RGS2: variants seen among roughly 807,000 people sequenced by gnomAD.
RGS2 encodes the protein G0 to G1 switch regulatory 8, 24kD.
A neutral mutation model predicts 26.6 loss-of-function variants in RGS2; 20 were observed. The observed-to-expected ratio is 0.75, with a 90% CI of 0.53 to 1.09. The LOEUF (loss-of-function observed/expected upper bound fraction) is 1.09, where lower values mean the gene tolerates loss of function less well. Among genes scored for constraint, RGS2 ranks in the 50% least tolerant of loss-of-function variants. RGS2 has a pLI of 0.00. For missense variants in RGS2, 246 were observed against 245.5 expected (o/e 1.00, Z -0.01); for synonymous variants, 97 against 79.9 (o/e 1.21, Z -1.14).
intron 1 of RGS2, 26 bp downstream of exon 1, chr1:192,809,207 C>T (rs1415665825): frequency 6.7e-7 from 1 of 1,488,902 alleles, no homozygotes; most frequent in East Asian, 2.3e-5. Flanking sequence ...TTCCCTCTCC[C>T]GCCACCCCCT....
At chr1:192,810,937 T>G (rs762553991) in intron 3 of RGS2, 44 bp from the exon 4 acceptor site, 1 of 1,563,392 alleles carries the variant, frequency 6.4e-7, no homozygotes, top group Non-Finnish European at 8.8e-7. Context: ...ATTTGGTCTC[T>G]CAGTTCTTCA....
rs1336448952 is a variant in RGS2 at position 192,811,093 on chromosome 1, C to T, written c.387C>T (p.Ser129=). The change falls in exon 4 of 5, where the codon TCC becomes TCT. Residue 129 remains serine (S), a synonymous_variant. Coordinates refer to ENST00000235382, the MANE Select transcript of RGS2 (RefSeq NM_002923.4). The part of the protein sequence containing the change: ...FKKTKSPQKL[S]SKARKIYTDF... The stretch of plus-strand genomic sequence containing the variant: ...AAACCAAATCACCCCAAAAGCTGTC[C>T]TCAAAAGCAAGGAAAATATATACTG... The T allele has an allele frequency of 1.2e-6, 2 of 1,613,966 alleles. No homozygotes were observed. The highest frequency in any genetic ancestry group is 1.7e-6 in the Non-Finnish European group (2 of 1,180,024).
chr1:192,810,466 A>G (rs751831501), intron 3 of RGS2, 35 bp downstream of exon 3: 3 of 1,602,792 alleles, frequency 1.9e-6, no homozygotes, highest in East Asian at 2.2e-5. Flanking sequence ...CATTGCTAAC[A>G]TCGCAAAAGC....
rs1665550278 is a variant in RGS2, at chr1:192,809,413, A to G, written c.110+232A>G. On this transcript the variant is annotated intron_variant, in intron 1 of 4. Transcript: ENST00000235382. Reference sequence around the variant, plus strand: ...AGGGCGGTGGTTGATGCGCTAAGAAATTGCGGGTTGGCTTTTTGTCCTCCT... The same window carrying G: ...AGGGCGGTGGTTGATGCGCTAAGAAGTTGCGGGTTGGCTTTTTGTCCTCCT... 8 of 538,420 alleles carry G rather than the reference A, an allele frequency of 1.5e-5. No individual in the cohort carries two copies. The East Asian group carries it at 2.7e-4, about 18-fold the overall frequency. 33.4% of individuals were successfully genotyped at this position (538,420 alleles called of 1,614,324 possible).
Sources: allele counts gnomAD v4.1 joint callset, GRCh38; gene constraint gnomAD v4.1.1; transcripts MANE v1.5; gene names NCBI Gene and HGNC (gene_info 2026-07-23, HGNC 2026-07-21).